Variants in EYS observed in about 807,000 individuals in gnomAD.
EYS encodes the protein EGF-like photoreceptor maintenance factor.
A neutral mutation model predicts 282.1 loss-of-function variants in EYS; 250 were observed. The observed-to-expected ratio is 0.89, with a 90% CI of 0.80 to 0.98. The LOEUF is 0.98. Among genes scored for constraint, EYS ranks in the 50% least tolerant of loss-of-function variants. The pLI, the probability that EYS is intolerant of heterozygous loss-of-function variation, is 0.00. For missense variants in EYS, 4,016 were observed against 3,709.0 expected, an observed-to-expected ratio of 1.08 and a Z score of -2.15; for synonymous variants, 1,355 against 1,282.9, an observed-to-expected ratio of 1.06 and a Z score of -1.20.
intron 18 of EYS, among the ~76,000 whole-genome samples, chr6:64,898,492 C>G (rs4710509): frequency 8.6e-5 from 13 of 151,672 alleles, no homozygotes; most frequent in Non-Finnish European, 2.9e-5. Context: ...CAGCCTCTGC[C>G]AAAACAAGCC....
chr6:64,335,037 G>C lies in EYS; in HGVS notation c.6079-27955C>G, dbSNP rs564586583. On this transcript the variant is annotated intron_variant, in intron 29 of 42. Transcript: ENST00000503581. ...ACAGACATATCACCACCCGAATAAT[G>C]GTTCTGCAAAAGTACCAACTGGTAT... Among the ~76,000 whole-genome samples, 71 of 152,106 alleles carry C rather than the reference G, an allele frequency of 4.7e-4. 1 individual carries two copies. Among genetic ancestry groups the C allele is most frequent in the African/African-American group, 1.7e-3 (71 of 41,480 alleles).
chr6:64,183,359 C>G (rs1764844465), intron 31 of EYS, among the ~76,000 whole-genome samples: 1 of 152,132 alleles, frequency 6.6e-6, no homozygotes, highest in Admixed American at 6.6e-5. Flanking sequence ...ATGTGTGTGC[C>G]CTTCTCTATC....
intron 8 of EYS, among the ~76,000 whole-genome samples, chr6:65,382,699 C>T (rs1765664145): frequency 6.6e-6 from 1 of 151,886 alleles, no homozygotes. Context: ...ACTTGGAGTC[C>T]AATGTTCGAG....
intron 8 of EYS, among the ~76,000 whole-genome samples, chr6:65,383,494 A>T (rs1001383565): frequency 1.3e-5 from 2 of 151,756 alleles, no homozygotes; most frequent in African/African-American, 4.8e-5. Context: ...ATGAATAGTA[A>T]TGAGGAATGC....
intron 5 of EYS, among the ~76,000 whole-genome samples, chr6:65,480,148 A>G (rs1278286085): frequency 2.6e-5 from 4 of 152,110 alleles, no homozygotes; most frequent in African/African-American, 7.2e-5. Context: ...CTGGTGACAG[A>G]GCAAAACTCC....
rs73741249 is a variant in EYS at position 65,185,433 on chromosome 6, G to T, written c.2023+110430C>A. Among the ~76,000 whole-genome samples the T allele has an allele frequency of 2.7e-3, 403 of 151,958 alleles. 5 individuals carry two copies. Among genetic ancestry groups the T allele is most frequent in the Middle Eastern group, 0.01 (3 of 294 alleles). The stretch of plus-strand genomic sequence containing the variant: ...GCATCCAGTTTTAGAGAGCTGAGCT[G>T]AAAGACATTTAGAAAACATCTATTG... On this transcript the variant is annotated intron_variant, in intron 12 of 42. Coordinates refer to ENST00000503581, the MANE Select transcript of EYS (RefSeq NM_001142800.2).
intron 19 of EYS, among the ~76,000 whole-genome samples, chr6:64,830,449 G>T (rs1422636238): frequency 1.3e-5 from 2 of 151,892 alleles, no homozygotes; most frequent in Admixed American, 6.6e-5. Context: ...AGTCTTCATT[G>T]TCATTCATGA....
At position 64,104,055 on chromosome 6, in the gene EYS, T is replaced by C. The variant is rs562415929; in HGVS notation, c.6425-22053A>G. ...AGCAGTGGGAGAGTAATGAAACCAGTATGTACATTTTGATTTTGTTGGGTA... is the reference window on the plus strand; with the variant it reads ...AGCAGTGGGAGAGTAATGAAACCAGCATGTACATTTTGATTTTGTTGGGTA... On this transcript the variant is annotated intron_variant, in intron 31 of 42. Transcript: ENST00000503581. Among the ~76,000 whole-genome samples, 14 of 152,218 alleles carry C rather than the reference T, an allele frequency of 9.2e-5. No homozygotes were observed. In the South Asian group the frequency reaches 2.9e-3, roughly 32 times the overall value.
intron 2 of EYS, among the ~76,000 whole-genome samples, chr6:65,552,621 A>G (rs1245606803): frequency 1.3e-5 from 2 of 152,152 alleles, no homozygotes; most frequent in Non-Finnish European, 2.9e-5. Context: ...CAATTTATTA[A>G]TCATGTGCAG....
At chr6:65,150,168 C>T (rs1388233842) in intron 12 of EYS, among the ~76,000 whole-genome samples, 1 of 152,010 alleles carries the variant, frequency 6.6e-6, no homozygotes, top group East Asian at 1.9e-4. Flanking sequence ...CAAGCCATAT[C>T]ACCTGTCATT....
chr6:64,784,462 T>C (rs1407063204), intron 22 of EYS, among the ~76,000 whole-genome samples: 1 of 152,186 alleles, frequency 6.6e-6, no homozygotes, highest in African/African-American at 2.4e-5. Flanking sequence ...TATGGTTTGC[T>C]AGCTATCTTG....
At chr6:64,703,410 CAT>C (rs1554194845) in intron 22 of EYS, among the ~76,000 whole-genome samples, 31 of 51,538 alleles carry the variant, frequency 6.0e-4, no homozygotes, top group South Asian at 2.5e-3. Context: ...CACACACACA[CAT>C]ATATATATAT....
chr6:64,819,442 C>G (rs1217910980), intron 21 of EYS, among the ~76,000 whole-genome samples: 1 of 151,998 alleles, frequency 6.6e-6, no homozygotes, highest in African/African-American at 2.4e-5. Flanking sequence ...CGTCCAAAAA[C>G]TAACCCATAT....
intron 30 of EYS, among the ~76,000 whole-genome samples, chr6:64,279,008 C>G (rs1323051713): frequency 6.6e-6 from 1 of 152,100 alleles, no homozygotes; most frequent in Non-Finnish European, 1.5e-5. Flanking sequence ...CCCAACTCAA[C>G]CAAAATCTTT....
intron 15 of EYS, among the ~76,000 whole-genome samples, chr6:64,940,635 T>C (rs1013004210): frequency 4.6e-5 from 7 of 152,082 alleles, no homozygotes; most frequent in African/African-American, 1.7e-4. Context: ...TTTATTTTTA[T>C]ATATCTTTAA....
intron 12 of EYS, among the ~76,000 whole-genome samples, chr6:65,134,066 C>T (rs996362247): frequency 7.9e-5 from 12 of 152,014 alleles, no homozygotes; most frequent in Admixed American, 6.6e-4. Flanking sequence ...GAGATACCAT[C>T]ATATTACACC....
intron 32 of EYS, among the ~76,000 whole-genome samples, chr6:64,068,830 T>C (rs1205821383): frequency 1.3e-5 from 2 of 152,100 alleles, no homozygotes; most frequent in Non-Finnish European, 2.9e-5. Flanking sequence ...ACCCATGTAC[T>C]AATTGGTGGA....
At chr6:63,756,582 A>G (rs1158745300) in intron 41 of EYS, among the ~76,000 whole-genome samples, 3 of 152,114 alleles carry the variant, frequency 2.0e-5, no homozygotes, top group Non-Finnish European at 4.4e-5. Context: ...TTGGCCTAAA[A>G]TTCTCTTTTT....
At chr6:64,324,303 T>G (rs1770328589) in intron 29 of EYS, among the ~76,000 whole-genome samples, 2 of 152,202 alleles carry the variant, frequency 1.3e-5, no homozygotes. Flanking sequence ...TAGGCTTTAT[T>G]TTTGGGATGC....
Sources: allele counts gnomAD v4.1 joint callset (sites outside exome capture counted in the v4.1 genomes callset), GRCh38; gene constraint gnomAD v4.1.1; transcripts MANE v1.5; gene names NCBI Gene and HGNC (gene_info 2026-07-23, HGNC 2026-07-21).